Variants in FBXO22 observed in about 807,000 individuals in gnomAD.
The protein encoded by FBXO22 is F-box only protein 22.
Under a neutral mutation model 37.2 loss-of-function variants are expected in FBXO22, and 13 were observed. The ratio of observed to expected loss-of-function variants is 0.35; its 90% CI spans 0.23 to 0.56. The LOEUF is 0.56. FBXO22 is among the 20% of genes least tolerant of loss of function. The probability of loss-of-function intolerance (pLI) is 0.87; values close to 1 mark genes in which losing one functional copy is unlikely to be tolerated. For missense variants in FBXO22, 446 were observed against 509.9 expected, an observed-to-expected ratio of 0.87 and a Z score of 1.21; for synonymous variants, 189 against 189.1, an observed-to-expected ratio of 1.00 and a Z score of 0.00.
At chr15:75,932,373 G>A (rs2030060390) in intron 6 of FBXO22, among the ~76,000 whole-genome samples, 1 of 152,166 alleles carries the variant, frequency 6.6e-6, no homozygotes. Context: ...TTCCTTTTAA[G>A]GAAGTCAGAA....
intron 2 of FBXO22, among the ~76,000 whole-genome samples, chr15:75,905,366 C>G (rs1438843670): frequency 1.3e-5 from 2 of 152,146 alleles, no homozygotes; most frequent in East Asian, 3.8e-4. Context: ...GGAGCCAACA[C>G]CAGGAGAGAT....
At chr15:75,906,729 T>G (rs1445878538) in intron 2 of FBXO22, among the ~76,000 whole-genome samples, 1 of 152,108 alleles carries the variant, frequency 6.6e-6, no homozygotes, top group Non-Finnish European at 1.5e-5. Context: ...TAGAAAACTT[T>G]TCTTCTCTGG....
intron 5 of FBXO22, among the ~76,000 whole-genome samples, chr15:75,918,016 AAAC>A (rs1361168167): frequency 6.6e-6 from 1 of 152,210 alleles, no homozygotes; most frequent in Non-Finnish European, 1.5e-5. Flanking sequence ...TTAATATAGT[AAAC>A]AACAAACGAA....
chr15:75,918,801 A>C (rs1250627632), intron 5 of FBXO22, among the ~76,000 whole-genome samples: 4 of 152,164 alleles, frequency 2.6e-5, no homozygotes, highest in Admixed American at 6.5e-5. Flanking sequence ...TGTTGCTCTC[A>C]TAGAAATATA....
Position 75,936,210 on chromosome 15 carries a change from A to C in FBXO22, c.*3108A>C, listed in dbSNP as rs1463848831. 5 of 152,244 alleles carry C rather than the reference A, an allele frequency of 3.3e-5. No homozygotes were observed. The highest frequency in any genetic ancestry group is 7.2e-5 in the African/African-American group (3 of 41,454). 9.4% of individuals were successfully genotyped at this position (152,244 alleles called of 1,614,324 possible). A position where few individuals can be genotyped will look rare whatever the true frequency, so the allele number is the denominator to read the frequency against. ...ATAAATTCAGTTTTAATGGGAACAGAAGACTCCAGATCCTCTTGATGGGAA... is the reference window on the plus strand; with the variant it reads ...ATAAATTCAGTTTTAATGGGAACAGCAGACTCCAGATCCTCTTGATGGGAA... On this transcript the variant is annotated 3_prime_UTR_variant, in exon 7 of 7. Coordinates refer to ENST00000308275, the MANE Select transcript of FBXO22 (RefSeq NM_147188.3).
intron 2 of FBXO22, among the ~76,000 whole-genome samples, chr15:75,908,658 G>T (rs530101938): frequency 6.6e-6 from 1 of 152,322 alleles, no homozygotes; most frequent in African/African-American, 2.4e-5. Flanking sequence ...GCTGAAGAGG[G>T]TCAGGTAGCT....
chr15:75,932,391 G>C (rs575122148), intron 6 of FBXO22, among the ~76,000 whole-genome samples: 1 of 152,278 alleles, frequency 6.6e-6, no homozygotes, highest in East Asian at 1.9e-4. Context: ...GAAAGGTAAG[G>C]AAACTGTACT....
chr15:75,930,084 T>C, intron 6 of FBXO22, 35 bp downstream of exon 6: 10 of 1,613,376 alleles, frequency 6.2e-6, no homozygotes, highest in Non-Finnish European at 8.5e-6. Context: ...CGTCTGTGAA[T>C]GAAGGGAAAT....
chr15:75,932,723 T>C lies in FBXO22; in HGVS notation c.833T>C (p.Leu278Pro). The change falls in exon 7 of 7, where the codon CTG becomes CCG. Residue 278 changes from leucine to proline, a missense_variant. Transcript: ENST00000308275. Reference sequence around the variant, plus strand: ...ATTGATGCCTCGGGTGTGGTTGGACTGTCATTTAGTGGACACCGAATCCAG... The same window carrying C: ...ATTGATGCCTCGGGTGTGGTTGGACCGTCATTTAGTGGACACCGAATCCAG... ...LDIDASGVVG[L>P]SFSGHRIQSA... 6.2e-7 allele frequency: 1 copy of C among 1,612,732 alleles called. No homozygotes were observed. The highest frequency in any genetic ancestry group is 8.5e-7 in the Non-Finnish European group (1 of 1,179,198).
intron 4 of FBXO22, among the ~76,000 whole-genome samples, chr15:75,915,762 T>C (rs186335937): frequency 4.6e-5 from 7 of 152,052 alleles, no homozygotes; most frequent in Admixed American, 2.6e-4. Context: ...TAGCCAGGCA[T>C]GATGGCGGGC....
chr15:75,904,794 T>C (rs184484569), intron 2 of FBXO22, among the ~76,000 whole-genome samples, 165 bp downstream of exon 2: 1 of 151,750 alleles, frequency 6.6e-6, no homozygotes, highest in Admixed American at 6.6e-5. Context: ...GGATGTGTCA[T>C]GATTTATTTG....
chr15:75,907,032 C>CT (rs1209498128), intron 2 of FBXO22, among the ~76,000 whole-genome samples: 3 of 151,952 alleles, frequency 2.0e-5, no homozygotes, highest in East Asian at 1.9e-4. Context: ...AAAATGTTAG[C>CT]TTTTTTTTCC....
At position 75,941,230 on chromosome 15, in the gene FBXO22, G is replaced by T. The variant is rs923975258; in HGVS notation, c.*8128G>T. On this transcript the variant is annotated 3_prime_UTR_variant, in exon 7 of 7. Transcript: ENST00000308275. The stretch of plus-strand genomic sequence containing the variant: ...GAAATGCAAATCAAAACCACATTGA[G>T]ATACCACTTCATACCCACTGGGATA... 1 of 152,096 alleles carries T rather than the reference G, an allele frequency of 6.6e-6. No homozygotes were observed. Among genetic ancestry groups the T allele is most frequent in the African/African-American group, 2.4e-5 (1 of 41,430 alleles). 9.4% of individuals were successfully genotyped at this position (152,096 alleles called of 1,614,324 possible).
chr15:75,938,022 C>G lies in FBXO22; in HGVS notation c.*4920C>G, dbSNP rs1285632146. 6.6e-6 allele frequency: 1 copy of G among 152,202 alleles called. No homozygotes were observed. Among genetic ancestry groups the G allele is most frequent in the Non-Finnish European group, 1.5e-5 (1 of 68,060 alleles). 9.4% of individuals were successfully genotyped at this position (152,202 alleles called of 1,614,324 possible). On this transcript the variant is annotated 3_prime_UTR_variant, in exon 7 of 7. Coordinates refer to ENST00000308275, the MANE Select transcript of FBXO22 (RefSeq NM_147188.3). ...CATGCATGCCCAGGGAAAACACTTG[C>G]CCGGAAAGTTCTAAGACCCAAGCTT...
rs1161143243 is a variant in FBXO22, at chr15:75,939,160, A to T, written c.*6058A>T. 3 of 152,132 alleles carry T rather than the reference A, an allele frequency of 2.0e-5. No homozygotes were observed. Among genetic ancestry groups the T allele is most frequent in the Admixed American group, 6.5e-5 (1 of 15,282 alleles). 9.4% of individuals were successfully genotyped at this position (152,132 alleles called of 1,614,324 possible). ...ACACTAGAGAAAAATCAGTGAAACT[A>T]CAAGTTCTTTAAAAGACCATAAAGT... is the stretch of plus-strand genomic sequence containing the variant. On this transcript the variant is annotated 3_prime_UTR_variant, in exon 7 of 7. Coordinates refer to ENST00000308275, the MANE Select transcript of FBXO22 (RefSeq NM_147188.3).
chr15:75,906,827 T>C (rs1899940280), intron 2 of FBXO22, among the ~76,000 whole-genome samples: 1 of 152,202 alleles, frequency 6.6e-6, no homozygotes, highest in South Asian at 2.1e-4. Flanking sequence ...AAGTGTTCTC[T>C]GGAGCATCGT....
intron 5 of FBXO22, among the ~76,000 whole-genome samples, chr15:75,920,496 A>T (rs1395241787): frequency 6.6e-6 from 1 of 152,202 alleles, no homozygotes; most frequent in Non-Finnish European, 1.5e-5. Context: ...GACTATCTAT[A>T]TTCAATTGGC....
At chr15:75,922,580 G>C (rs1451329013) in intron 5 of FBXO22, among the ~76,000 whole-genome samples, 1 of 152,192 alleles carries the variant, frequency 6.6e-6, no homozygotes, top group Non-Finnish European at 1.5e-5. Flanking sequence ...TGCAAGCAAA[G>C]GTTATGTGCA....
intron 1 of FBXO22, 165 bp downstream of exon 1, chr15:75,904,268 G>T: frequency 8.7e-7 from 1 of 1,152,044 alleles, no homozygotes; most frequent in Admixed American, 2.9e-5. Context: ...TCCCAGCCGT[G>T]GTGCCCCGGG....
Sources: allele counts gnomAD v4.1 joint callset (sites outside exome capture counted in the v4.1 genomes callset), GRCh38; gene constraint gnomAD v4.1.1; transcripts MANE v1.5; gene names NCBI Gene and HGNC (gene_info 2026-07-23, HGNC 2026-07-21).